ARHGAP40: variants seen among roughly 807,000 people sequenced by gnomAD.
The protein encoded by ARHGAP40 is rho GTPase-activating protein 40.
A neutral mutation model predicts 73.5 loss-of-function variants in ARHGAP40; 43 were observed. The observed-to-expected ratio is 0.58, with a 90% CI of 0.46 to 0.75. The LOEUF (loss-of-function observed/expected upper bound fraction) is 0.75, where lower values mean the gene tolerates loss of function less well. Ranked by LOEUF, ARHGAP40 falls within the 30% of genes least tolerant of loss-of-function variation. The pLI, the probability that ARHGAP40 is intolerant of heterozygous loss-of-function variation, is 0.00. For synonymous variants in ARHGAP40, 300 were observed against 352.8 expected (o/e 0.85, Z 1.68); for missense variants, 734 against 861.8 (o/e 0.85, Z 1.86).
rs1555792077 is a variant in ARHGAP40 at position 38,630,147 on chromosome 20, T to TTCCG, written c.783+500_783+501insGTCC. Among the ~76,000 whole-genome samples, 386 of 137,362 alleles carry TTCCG rather than the reference T, an allele frequency of 2.8e-3. 4 individuals carry two copies. The highest frequency in any genetic ancestry group is 9.6e-3 in the African/African-American group (357 of 37,304). The allele number at this position is 137,362 out of a possible 152,430, so 90.1% of individuals were successfully genotyped here. The stretch of plus-strand genomic sequence containing the variant: ...TCTTTCCTTTCTTTCTCCTCCCTCC[T>TTCCG]TCCCTCCCTCCCTCCCTTCCTTCCT... On this transcript the variant is annotated intron_variant, in intron 5 of 14. Transcript: ENST00000373345.
chr20:38,643,138 T>A, intron 10 of ARHGAP40, among the ~76,000 whole-genome samples: 1 of 126,852 alleles, frequency 7.9e-6, no homozygotes. Flanking sequence ...AGAGTGAGAC[T>A]CTGACTCAAA....
At chr20:38,613,834 C>G (rs1357801291) in intron 1 of ARHGAP40, among the ~76,000 whole-genome samples, 3 of 152,326 alleles carry the variant, frequency 2.0e-5, no homozygotes, top group East Asian at 1.9e-4. Flanking sequence ...TCATAACCCA[C>G]AGATCGGCTC....
intron 7 of ARHGAP40, among the ~76,000 whole-genome samples, 164 bp downstream of exon 7, chr20:38,637,963 G>A (rs1325413576): frequency 6.6e-6 from 1 of 151,992 alleles, no homozygotes; most frequent in African/African-American, 2.4e-5. Context: ...CAGAGACCTG[G>A]GGTGGATTTT....
At chr20:38,640,238 ATGGGGTCTTGCTCTG>A (rs749774254) in intron 9 of ARHGAP40, among the ~76,000 whole-genome samples, 15 of 104,280 alleles carry the variant, frequency 1.4e-4, no homozygotes, top group Non-Finnish European at 2.4e-4. Context: ...TTTTTTAGAG[ATGGGGTCTTGCTCTG>A]TCACCCAGGC....
intron 5 of ARHGAP40, 138 bp downstream of exon 5, chr20:38,629,788 C>A: frequency 1.0e-6 from 1 of 989,616 alleles, no homozygotes. Context: ...ATTCGTACCA[C>A]AAATATTTAC....
chr20:38,641,914 A>G, intron 10 of ARHGAP40, 106 bp downstream of exon 10: 1 of 911,922 alleles, frequency 1.1e-6, no homozygotes, highest in Non-Finnish European at 1.5e-6. Context: ...CAACTCTGCC[A>G]GGTGCTAGGG....
At chr20:38,620,582 G>A (rs896149835) in intron 1 of ARHGAP40, among the ~76,000 whole-genome samples, 3 of 152,222 alleles carry the variant, frequency 2.0e-5, no homozygotes, top group Admixed American at 6.5e-5. Context: ...CCAAAGAAAC[G>A]GAGCTGTGCC....
chr20:38,604,072 T>G (rs573321236), intron 1 of ARHGAP40, among the ~76,000 whole-genome samples: 6 of 152,330 alleles, frequency 3.9e-5, no homozygotes, highest in African/African-American at 1.4e-4. Flanking sequence ...GATGTGGACA[T>G]CTTGGGGAGC....
intron 3 of ARHGAP40, 109 bp downstream of exon 3, chr20:38,627,324 A>G (rs1028273891): frequency 1.6e-5 from 16 of 978,846 alleles, no homozygotes; most frequent in Non-Finnish European, 2.2e-5. Context: ...TGGTGTGTGT[A>G]TGTGTGTGTT....
At position 38,644,150 on chromosome 20, in the gene ARHGAP40, C is replaced by T. The variant is rs116636866; in HGVS notation, c.1569+240C>T. ...CAGTCTGCTGCCATCTGGTCTACCC[C>T]AGATTGCAGGAGTTCCCCCAACTCC... On this transcript the variant is annotated intron_variant, in intron 11 of 14. Transcript: ENST00000373345. Among the ~76,000 whole-genome samples the T allele has an allele frequency of 2.9e-3, 444 of 152,272 alleles. 3 individuals carry two copies. Among genetic ancestry groups the T allele is most frequent in the African/African-American group, 0.01 (422 of 41,530 alleles).
At chr20:38,640,716 C>T (rs1403759304) in intron 9 of ARHGAP40, among the ~76,000 whole-genome samples, 1 of 152,080 alleles carries the variant, frequency 6.6e-6, no homozygotes, top group Non-Finnish European at 1.5e-5. Flanking sequence ...TTGCTGTTCC[C>T]CCTCCTCTTT....
intron 1 of ARHGAP40, among the ~76,000 whole-genome samples, chr20:38,616,542 G>A (rs372536952): frequency 5.9e-5 from 9 of 152,184 alleles, no homozygotes; most frequent in Non-Finnish European, 8.8e-5. Context: ...TTGTACAAGC[G>A]GCTTATTACA....
At chr20:38,612,882 C>T (rs193031143) in intron 1 of ARHGAP40, among the ~76,000 whole-genome samples, 172 of 152,272 alleles carry the variant, frequency 1.1e-3, no homozygotes, top group African/African-American at 3.5e-3. Flanking sequence ...ACACAAATGT[C>T]TATAATCTTG....
At chr20:38,627,533 G>GTGTGTTGGGGTA (rs2088907847) in intron 3 of ARHGAP40, among the ~76,000 whole-genome samples, 4 of 82,826 alleles carry the variant, frequency 4.8e-5, no homozygotes, top group Non-Finnish European at 5.7e-5. Flanking sequence ...GTTGGGGTAT[G>GTGTGTTGGGGTA]TGTGTGTGTG....
chr20:38,623,269 G>A, intron 1 of ARHGAP40, 90 bp from the exon 2 acceptor site: 1 of 1,055,574 alleles, frequency 9.5e-7, no homozygotes. Flanking sequence ...AGGGGCCCAG[G>A]CTGATTTCTG....
intron 9 of ARHGAP40, among the ~76,000 whole-genome samples, chr20:38,641,079 AGGAGGGAGGGAG>A (rs148784970): frequency 7.0e-6 from 1 of 143,296 alleles, no homozygotes; most frequent in Non-Finnish European, 1.5e-5. Flanking sequence ...AAAGAAGGGA[AGGAGGGAGGGAG>A]GGAGGGAGGA....
chr20:38,634,765 C>T lies in ARHGAP40; in HGVS notation c.929C>T (p.Ala310Val), dbSNP rs78673969. 2.6e-3 allele frequency: 3,307 copies of T among 1,292,836 alleles called. 62 individuals carry two copies. The African/African-American group carries it at 0.042, about 16-fold the overall frequency. 80.1% of individuals were successfully genotyped at this position (1,292,836 alleles called of 1,614,324 possible). ...GGCTTGGACCTGAAGAGGAGCAAGG[C>T]GGGGAAGTGGAAAGCGGCAGGTGAG... is the stretch of plus-strand genomic sequence containing the variant. Residue 310 changes from alanine to valine, a missense_variant, in exon 6 of 15, where the codon GCG becomes GTG. By Grantham distance (64) the Ala-to-Val change is moderately conservative. Coordinates refer to ENST00000373345, the Ensembl canonical transcript of ARHGAP40.
At chr20:38,616,079 C>G (rs752286806) in intron 1 of ARHGAP40, among the ~76,000 whole-genome samples, 1 of 152,038 alleles carries the variant, frequency 6.6e-6, no homozygotes, top group Non-Finnish European at 1.5e-5. Context: ...GAGAGGGCCA[C>G]CCCACCACCC....
At chr20:38,614,932 G>T in intron 1 of ARHGAP40, 1 of 1,349,448 alleles carries the variant, frequency 7.4e-7, no homozygotes, top group Non-Finnish European at 1.1e-6. Flanking sequence ...CTGAGACTGA[G>T]TACTCTCCGA....
Sources: allele counts gnomAD v4.1 joint callset (sites outside exome capture counted in the v4.1 genomes callset), GRCh38; gene constraint gnomAD v4.1.1; transcripts MANE v1.5; gene names NCBI Gene and HGNC (gene_info 2026-07-23, HGNC 2026-07-21).